The following COLEC12 variants were observed in gnomAD, a reference collection of about 807,000 sequenced individuals.
COLEC12 encodes collectin-12.
A neutral mutation model predicts 71.1 loss-of-function variants in COLEC12; 33 were observed. That is an observed-to-expected ratio of 0.46 (90% CI 0.35 to 0.62). The LOEUF (loss-of-function observed/expected upper bound fraction) is 0.62, where lower values mean the gene tolerates loss of function less well. Ranked by LOEUF, COLEC12 falls within the 20% of genes least tolerant of loss-of-function variation. The pLI is 0.00. For missense variants in COLEC12, 765 were observed against 916.1 expected, an observed-to-expected ratio of 0.84 and a Z score of 2.13; for synonymous variants, 350 against 353.0, an observed-to-expected ratio of 0.99 and a Z score of 0.10.
chr18:391,740 A>T (rs1915468007), intron 2 of COLEC12, among the ~76,000 whole-genome samples: 1 of 152,196 alleles, frequency 6.6e-6, no homozygotes, highest in Non-Finnish European at 1.5e-5. Flanking sequence ...TATTTTTTAG[A>T]TGTTTAATGA....
rs187597686 is a variant in COLEC12 at position 374,807 on chromosome 18, G to A, written c.59-17285C>T. Among the ~76,000 whole-genome samples the A allele has an allele frequency of 2.5e-4, 38 of 152,238 alleles. 1 individual carries two copies. Among genetic ancestry groups the A allele is most frequent in the African/African-American group, 3.4e-4 (14 of 41,538 alleles). On this transcript the variant is annotated intron_variant, in intron 2 of 9. Transcript: ENST00000400256. Reference sequence around the variant, plus strand: ...AATAACTAACTCAAGACAGCAACACGTTATGCATGGTGAGTTCAGACCGCA... The same window carrying A: ...AATAACTAACTCAAGACAGCAACACATTATGCATGGTGAGTTCAGACCGCA...
intron 5 of COLEC12, among the ~76,000 whole-genome samples, chr18:335,462 A>G (rs1199679788): frequency 6.6e-6 from 1 of 152,200 alleles, no homozygotes; most frequent in Non-Finnish European, 1.5e-5. Context: ...GATGGGACTT[A>G]TTAAGAGACA....
intron 2 of COLEC12, among the ~76,000 whole-genome samples, chr18:442,789 G>C (rs1271163864): frequency 6.6e-6 from 1 of 152,198 alleles, no homozygotes; most frequent in Non-Finnish European, 1.5e-5. Context: ...GTGAAACCCT[G>C]TCTCTATTAA....
chr18:457,199 G>T (rs1478407678), intron 2 of COLEC12, among the ~76,000 whole-genome samples: 1 of 152,196 alleles, frequency 6.6e-6, no homozygotes, highest in African/African-American at 2.4e-5. Context: ...GAACGAACAG[G>T]CCTGACTGGG....
chr18:411,642 C>T (rs917970494), intron 2 of COLEC12, among the ~76,000 whole-genome samples: 13 of 152,224 alleles, frequency 8.5e-5, no homozygotes, highest in Non-Finnish European at 1.8e-4. Context: ...CAGTGGCTCA[C>T]GCCTGTAATT....
intron 2 of COLEC12, among the ~76,000 whole-genome samples, chr18:410,443 T>C (rs79996959): frequency 9.7e-6 from 1 of 102,968 alleles, no homozygotes. Context: ...GTTGTTCTTC[T>C]TTTTTTTTTT....
rs867986996 is a variant in COLEC12 at position 318,121 on chromosome 18, C to G, written c.*1924G>C. On this transcript the variant is annotated 3_prime_UTR_variant, in exon 10 of 10. Transcript: ENST00000400256. ...CCTCCCGAGTAGCTGGGACTACAGGCGCCCGCCACCGCGCCCGGCTAATTT... is the reference window on the plus strand; with the variant it reads ...CCTCCCGAGTAGCTGGGACTACAGGGGCCCGCCACCGCGCCCGGCTAATTT... 1.4e-5 allele frequency: 2 copies of G among 146,236 alleles called. No individual in the cohort carries two copies. The highest frequency in any genetic ancestry group is 3.0e-5 in the Non-Finnish European group (2 of 66,034). 9.1% of individuals were successfully genotyped at this position (146,236 alleles called of 1,614,324 possible).
At chr18:388,335 T>C (rs1915390039) in intron 2 of COLEC12, among the ~76,000 whole-genome samples, 1 of 152,142 alleles carries the variant, frequency 6.6e-6, no homozygotes, top group Non-Finnish European at 1.5e-5. Flanking sequence ...CCTAGATTGA[T>C]GTTTCAGTCA....
chr18:326,678 TGA>T (rs1567873308), intron 8 of COLEC12, among the ~76,000 whole-genome samples: 2 of 152,226 alleles, frequency 1.3e-5, no homozygotes, highest in African/African-American at 4.8e-5. Context: ...TTAAATTTAT[TGA>T]GACGTATTTT....
chr18:498,188 G>A (rs1442700709), intron 1 of COLEC12, among the ~76,000 whole-genome samples: 1 of 152,058 alleles, frequency 6.6e-6, no homozygotes, highest in Non-Finnish European at 1.5e-5. Context: ...CAGGGCTGTT[G>A]AGAGGATTAA....
chr18:443,667 T>A lies in COLEC12; in HGVS notation c.58+37040A>T, dbSNP rs189275673. 7.2e-5 allele frequency among the ~76,000 whole-genome samples: 11 copies of A among 152,146 alleles called. No homozygotes were observed. In the East Asian group the frequency reaches 2.1e-3, roughly 29 times the overall value. On this transcript the variant is annotated intron_variant, in intron 2 of 9. Transcript: ENST00000400256. Reference sequence around the variant, plus strand: ...TGTGGCTGGAGCCTAAGGAGAAGGGTTCTGTTAGCATGGGAAGGAGAAAGC... The same window carrying A: ...TGTGGCTGGAGCCTAAGGAGAAGGGATCTGTTAGCATGGGAAGGAGAAAGC...
At chr18:460,934 G>A (rs540706578) in intron 2 of COLEC12, among the ~76,000 whole-genome samples, 2 of 152,276 alleles carry the variant, frequency 1.3e-5, no homozygotes, top group South Asian at 2.1e-4. Context: ...TCATGGTCAC[G>A]TTTCTATTTG....
rs575431474 is a variant in COLEC12 at position 348,042 on chromosome 18, G to A, written c.280+23C>T. 1.4e-5 allele frequency: 21 copies of A among 1,480,780 alleles called. No individual in the cohort carries two copies. In the African/African-American group the frequency reaches 2.8e-4, roughly 20 times the overall value. 91.7% of individuals were successfully genotyped at this position (1,480,780 alleles called of 1,614,324 possible). On this transcript the variant is annotated intron_variant, in intron 4 of 9. Transcript: ENST00000400256. Reference sequence around the variant, plus strand: ...TTTATGTAGAGTCAGGGGATTTCATGGTTTAGTCTTGTCACAGATTACCTA... The same window carrying A: ...TTTATGTAGAGTCAGGGGATTTCATAGTTTAGTCTTGTCACAGATTACCTA...
intron 2 of COLEC12, among the ~76,000 whole-genome samples, chr18:441,025 G>A (rs1481337047): frequency 6.6e-6 from 1 of 151,314 alleles, no homozygotes. Context: ...GAGGCGGGTG[G>A]ATCACAAGGC....
At chr18:412,158 G>A (rs1915905079) in intron 2 of COLEC12, among the ~76,000 whole-genome samples, 1 of 152,032 alleles carries the variant, frequency 6.6e-6, no homozygotes, top group Non-Finnish European at 1.5e-5. Context: ...TACACATCAA[G>A]ACACATCCTA....
chr18:334,748 C>T lies in COLEC12; in HGVS notation c.1810G>A (p.Asp604Asn), dbSNP rs111326400. 1 of 1,469,066 alleles carries T rather than the reference C, an allele frequency of 6.8e-7. No individual in the cohort carries two copies. The highest frequency in any genetic ancestry group is 9.0e-7 in the Non-Finnish European group (1 of 1,115,126). The allele number at this position is 1,469,066 out of a possible 1,614,324, so 91.0% of individuals were successfully genotyped here. ...AGGGAGGGCTTGGACTTACCATTGT[C>T]CTCCGGTGCTGGGGTTGGCTCATTC... ...LQNEPTPAPEDNGCPPHWKNF... is the reference protein window; with the variant it reads ...LQNEPTPAPENNGCPPHWKNF... Residue 604 changes from aspartate (D) to asparagine (N), a missense_variant, in exon 6 of 10, where the codon GAC becomes AAC. Transcript: ENST00000400256.
intron 2 of COLEC12, among the ~76,000 whole-genome samples, chr18:454,051 T>C (rs1287581259): frequency 2.0e-5 from 3 of 152,210 alleles, no homozygotes; most frequent in Non-Finnish European, 2.9e-5. Flanking sequence ...GCAGTCAGAG[T>C]GGGTTATGTT....
At chr18:331,799 G>T in intron 7 of COLEC12, 22 bp from the exon 8 acceptor site, 3 of 1,436,026 alleles carry the variant, frequency 2.1e-6, no homozygotes, top group Non-Finnish European at 2.0e-6. Context: ...AGCAGGGGTG[G>T]TGCGTGACTA....
chr18:481,422 C>T (rs1917413351), intron 1 of COLEC12, among the ~76,000 whole-genome samples: 1 of 152,148 alleles, frequency 6.6e-6, no homozygotes, highest in Non-Finnish European at 1.5e-5. Flanking sequence ...AGAGAGATGT[C>T]GGCCGGGCGC....
Sources: gnomAD v4.1 joint callset for allele counts (sites outside exome capture counted in the v4.1 genomes callset) on GRCh38, gnomAD v4.1.1 for gene constraint, MANE v1.5 for transcripts, NCBI Gene and HGNC (gene_info 2026-07-23, HGNC 2026-07-21) for gene names.